PWWP2B: variants seen among roughly 807,000 people sequenced by gnomAD.
PWWP2B encodes PWWP domain containing 2B.
In PWWP2B, 9 loss-of-function variants were observed where a neutral mutation model predicts 15.5. The ratio of observed to expected loss-of-function variants is 0.58; its 90% CI spans 0.35 to 1.02. The LOEUF (loss-of-function observed/expected upper bound fraction) is 1.02. Among genes scored for constraint, PWWP2B ranks in the 50% least tolerant of loss-of-function variants. The probability of loss-of-function intolerance (pLI) is 0.02; values close to 1 mark genes in which losing one functional copy is unlikely to be tolerated. For missense variants in PWWP2B, 864 were observed against 865.3 expected (o/e 1.00, Z 0.02); for synonymous variants, 474 against 403.6 (o/e 1.17, Z -2.09).
At chr10:132,407,038 TG>T (rs1164767066) in intron 2 of PWWP2B, among the ~76,000 whole-genome samples, 1 of 152,032 alleles carries the variant, frequency 6.6e-6, no homozygotes, top group Non-Finnish European at 1.5e-5. Flanking sequence ...TCTCTGTGCC[TG>T]GGGGGCACTA....
chr10:132,406,278 T>C lies in PWWP2B; in HGVS notation c.*5T>C. On this transcript the variant is annotated 3_prime_UTR_variant, in exon 2 of 3. Coordinates refer to ENST00000305233, the MANE Select transcript of PWWP2B (RefSeq NM_138499.4). ...TTAACCCAGTTTGAAACGTAACTGG[T>C]TCCCTGACCAGGTGAGTGTGCCAGC... 6.2e-7 allele frequency: 1 copy of C among 1,604,118 alleles called. No individual in the cohort carries two copies. Among genetic ancestry groups the C allele is most frequent in the South Asian group, 1.1e-5 (1 of 90,526 alleles).
chr10:132,414,525 G>A (rs7901449), intron 2 of PWWP2B, among the ~76,000 whole-genome samples: 14,335 of 152,180 alleles, frequency 0.094, 738 homozygotes, highest in Admixed American at 0.16. Context: ...CATCTTGCAC[G>A]CAGTCCCTGG....
chr10:132,405,977 A>G lies in PWWP2B; in HGVS notation c.1477A>G (p.Ile493Val), dbSNP rs768831479. ...EDGRTVAVGDIVWGKIHGFPW... is the reference protein window; with the variant it reads ...EDGRTVAVGDVVWGKIHGFPW... ...CGGCAGGACTGTGGCCGTGGGGGAC[A>G]TCGTCTGGGGTAAGATCCATGGTTT... Residue 493 changes from isoleucine (I) to valine (V), a missense_variant, in exon 2 of 3, where the codon ATC (isoleucine) becomes GTC (valine). Ile to Val is a conservative substitution (Grantham distance 29). Around this residue, in one of 2 missense-constraint regions of PWWP2B, gnomAD observed 128 missense variants for 177.6 expected, o/e 0.72. Coordinates refer to ENST00000305233, the MANE Select transcript of PWWP2B (RefSeq NM_138499.4). 1.9e-6 allele frequency: 3 copies of G among 1,613,532 alleles called. No homozygotes were observed. The South Asian group carries it at 3.3e-5, about 18-fold the overall frequency.
intron 2 of PWWP2B, 87 bp from the exon 3 acceptor site, chr10:132,416,974 C>T: frequency 6.7e-7 from 1 of 1,494,262 alleles, no homozygotes; most frequent in South Asian, 1.1e-5. Context: ...CTCCGGGGCA[C>T]CCTGACCTGC....
intron 1 of PWWP2B, among the ~76,000 whole-genome samples, chr10:132,404,031 TCCA>T (rs1459571500): frequency 0.093 from 6,094 of 65,684 alleles, 472 homozygotes; most frequent in African/African-American, 0.29. Context: ...GACGGCATTC[TCCA>T]GGGCTCCTGC....
In PWWP2B at chr10:132,405,361, G is replaced by A; in HGVS notation, c.861G>A (p.Gln287=). 2 of 1,611,244 alleles carry A rather than the reference G, an allele frequency of 1.2e-6. No individual in the cohort carries two copies. Among genetic ancestry groups the A allele is most frequent in the East Asian group, 2.2e-5 (1 of 44,840 alleles). Residue 287 remains glutamine, a synonymous_variant, in exon 2 of 3, where the codon CAG becomes CAA. Coordinates refer to ENST00000305233, the MANE Select transcript of PWWP2B (RefSeq NM_138499.4). Reference sequence around the variant, plus strand: ...CCTTCCGTCCCCAGCAGGCCCCGCAGGACGACGGCAGCCAGGACCCCGAGG... The same window carrying A: ...CCTTCCGTCCCCAGCAGGCCCCGCAAGACGACGGCAGCCAGGACCCCGAGG... ...LEPFRPQQAP[Q]DDGSQDPEVL...
Position 132,404,629 on chromosome 10 carries a change from C to A in PWWP2B, c.129C>A (p.Ser43=). Residue 43 remains serine, a synonymous_variant, in exon 2 of 3, where the codon TCC becomes TCA. Coordinates refer to ENST00000305233, the MANE Select transcript of PWWP2B (RefSeq NM_138499.4). ...AGILLDCTKK[S]GLFGLPPLAP... The stretch of plus-strand genomic sequence containing the variant: ...GTTTCTCTCTCTCCATTGCCAGGTC[C>A]GGCCTCTTTGGCCTACCCCCGTTGG... The A allele has an allele frequency of 6.2e-7, 1 of 1,612,566 alleles. No homozygotes were observed. The highest frequency in any genetic ancestry group is 1.3e-5 in the African/African-American group (1 of 74,960).
chr10:132,397,215 C>T lies in PWWP2B; in HGVS notation c.-12C>T. The T allele has an allele frequency of 1.8e-6, 2 of 1,095,662 alleles. No individual in the cohort carries two copies. The highest frequency in any genetic ancestry group is 2.2e-6 in the Non-Finnish European group (2 of 901,542). 67.9% of individuals were successfully genotyped at this position (1,095,662 alleles called of 1,614,324 possible). ...GCGGCGGGGCGGGGGCGGCCTGGGACGCGGCGGGAGCATGGAGCCGCGCGC... is the reference window on the plus strand; with the variant it reads ...GCGGCGGGGCGGGGGCGGCCTGGGATGCGGCGGGAGCATGGAGCCGCGCGC... On this transcript the variant is annotated 5_prime_UTR_variant, in exon 1 of 3. The change creates a new upstream start codon in the 5' untranslated region. Transcript: ENST00000305233.
In PWWP2B at chr10:132,415,527, TCA is replaced by T. The variant is rs1200692065; in HGVS notation, c.*17-1526_*17-1525del. ...TCCACTCACATCCAGACATCCACTG[TCA>T]CACACACGCACTCTCACACACATTC... On this transcript the variant is annotated intron_variant, in intron 2 of 2. Transcript: ENST00000305233. Among the ~76,000 whole-genome samples the T allele has an allele frequency of 8.3e-5, 10 of 120,068 alleles. 1 individual carries two copies. Among genetic ancestry groups the T allele is most frequent in the Admixed American group, 1.6e-4 (2 of 12,490 alleles). The allele number at this position is 120,068 out of a possible 152,430, so 78.8% of individuals were successfully genotyped here.
intron 1 of PWWP2B, among the ~76,000 whole-genome samples, chr10:132,401,864 T>C (rs1807163510): frequency 6.6e-6 from 1 of 152,242 alleles, no homozygotes; most frequent in Non-Finnish European, 1.5e-5. Context: ...GCTCTGCTGT[T>C]GGCTTTGCAA....
chr10:132,416,427 G>C (rs184525661), intron 2 of PWWP2B, among the ~76,000 whole-genome samples: 2 of 152,210 alleles, frequency 1.3e-5, no homozygotes, highest in Non-Finnish European at 2.9e-5. Flanking sequence ...TGGGTTGCGG[G>C]GCTGACGGGA....
At chr10:132,415,341 T>C (rs528973708) in intron 2 of PWWP2B, among the ~76,000 whole-genome samples, 9,125 of 132,024 alleles carry the variant, frequency 0.069, 491 homozygotes, top group Admixed American at 0.18. Flanking sequence ...CACACACATA[T>C]CCACTCACAC....
Position 132,405,091 on chromosome 10 carries a change from G to T in PWWP2B, c.591G>T (p.Ala197=), listed in dbSNP as rs756352452. ...AGGCCAGCCCCGGACCCCCAGCCGCGCCCAGGGCCCGCAGGAGGCTGGGCA... is the reference window on the plus strand; with the variant it reads ...AGGCCAGCCCCGGACCCCCAGCCGCTCCCAGGGCCCGCAGGAGGCTGGGCA... ...PPEASPGPPA[A]PRARRRLGSG... Residue 197 remains alanine, a synonymous_variant, in exon 2 of 3, where the codon GCG becomes GCT. Coordinates refer to ENST00000305233, the MANE Select transcript of PWWP2B (RefSeq NM_138499.4). The T allele has an allele frequency of 9.7e-5, 148 of 1,531,940 alleles. No individual in the cohort carries two copies. The highest frequency in any genetic ancestry group is 8.8e-5 in the Non-Finnish European group (100 of 1,140,192). 94.9% of individuals were successfully genotyped at this position (1,531,940 alleles called of 1,614,324 possible). A position where few individuals can be genotyped will look rare whatever the true frequency, so the allele number is the denominator to read the frequency against.
chr10:132,407,134 G>C (rs997748216), intron 2 of PWWP2B, among the ~76,000 whole-genome samples: 5 of 152,166 alleles, frequency 3.3e-5, no homozygotes, highest in South Asian at 2.1e-4. Context: ...GGCATCCGGA[G>C]CCTGCCGAGG....
intron 2 of PWWP2B, among the ~76,000 whole-genome samples, chr10:132,413,281 CAT>C (rs1314499186): frequency 2.6e-5 from 4 of 152,206 alleles, no homozygotes; most frequent in Non-Finnish European, 4.4e-5. Flanking sequence ...AATATAACAA[CAT>C]AATGTCACAT....
chr10:132,409,043 G>A (rs908235117), intron 2 of PWWP2B, among the ~76,000 whole-genome samples: 1 of 152,234 alleles, frequency 6.6e-6, no homozygotes, highest in Non-Finnish European at 1.5e-5. Flanking sequence ...AATAGAGGCC[G>A]TTGGGCCTTG....
intron 2 of PWWP2B, among the ~76,000 whole-genome samples, chr10:132,409,609 C>T (rs2069750643): frequency 6.6e-6 from 1 of 152,066 alleles, no homozygotes; most frequent in Non-Finnish European, 1.5e-5. Context: ...CCTCTCTCTG[C>T]TCCCCTGGTC....
At chr10:132,409,117 C>T (rs904003374) in intron 2 of PWWP2B, among the ~76,000 whole-genome samples, 1 of 152,200 alleles carries the variant, frequency 6.6e-6, no homozygotes, top group Admixed American at 6.5e-5. Flanking sequence ...GTTTGTTCAC[C>T]GCTCCCAGGG....
At chr10:132,400,555 C>T (rs1342829536) in intron 1 of PWWP2B, among the ~76,000 whole-genome samples, 1 of 152,172 alleles carries the variant, frequency 6.6e-6, no homozygotes, top group African/African-American at 2.4e-5. Flanking sequence ...CCTGTGGCTT[C>T]TCCTGCCAGC....
Sources: allele counts gnomAD v4.1 joint callset (sites outside exome capture counted in the v4.1 genomes callset), GRCh38; gene constraint gnomAD v4.1.1; regional missense constraint gnomAD v4.1.1; transcripts MANE v1.5; gene names NCBI Gene and HGNC (gene_info 2026-07-23, HGNC 2026-07-21).